Variants in RAB28 observed in about 807,000 individuals in gnomAD.
The protein encoded by RAB28 is RAB28, member RAS oncogene family.
Under a neutral mutation model 31.7 loss-of-function variants are expected in RAB28, and 24 were observed. The ratio of observed to expected loss-of-function variants is 0.76; its 90% confidence interval spans 0.55 to 1.06. The LOEUF (loss-of-function observed/expected upper bound fraction) is 1.06. RAB28 is among the 50% of genes least tolerant of loss of function. RAB28 has a pLI of 0.00. For synonymous variants in RAB28, 100 were observed against 90.4 expected, an observed-to-expected ratio of 1.11 and a Z score of -0.60; for missense variants, 254 against 258.5, an observed-to-expected ratio of 0.98 and a Z score of 0.12.
Position 13,430,658 on chromosome 4 carries a change from C to A in RAB28, c.391+30041G>T, listed in dbSNP as rs533477974. 4.7e-4 allele frequency among the ~76,000 whole-genome samples: 72 copies of A among 152,248 alleles called. No homozygotes were observed. The South Asian group carries it at 4.8e-3, about 10-fold the overall frequency. ...TGGTTGTGTACCCATGGTGCCACAA[C>A]CCTGCCTAGCAATCTCCACCCATGG... On this transcript the variant is annotated intron_variant, in intron 4 of 6. Coordinates refer to ENST00000330852, the MANE Select transcript of RAB28 (RefSeq NM_001017979.3).
intron 3 of RAB28, among the ~76,000 whole-genome samples, chr4:13,462,259 A>G (rs1390631186): frequency 1.3e-5 from 2 of 152,190 alleles, no homozygotes; most frequent in African/African-American, 4.8e-5. Flanking sequence ...TGTAAATGCT[A>G]GCCTGCGGTC....
At chr4:13,388,653 G>T (rs1030747288) in intron 4 of RAB28, among the ~76,000 whole-genome samples, 7 of 151,826 alleles carry the variant, frequency 4.6e-5, no homozygotes, top group Non-Finnish European at 7.4e-5. Flanking sequence ...AATATATAAA[G>T]AACACCTACA....
intron 4 of RAB28, among the ~76,000 whole-genome samples, chr4:13,424,052 G>C (rs1053517761): frequency 1.3e-5 from 2 of 152,024 alleles, no homozygotes; most frequent in Admixed American, 1.3e-4. Context: ...TCTATTCATC[G>C]GCCAATAAAA....
chr4:13,419,754 G>C (rs1713010177), intron 4 of RAB28, among the ~76,000 whole-genome samples: 1 of 152,198 alleles, frequency 6.6e-6, no homozygotes, highest in Non-Finnish European at 1.5e-5. Context: ...TTAAAGCAGT[G>C]TGTAGAGGGA....
At chr4:13,476,486 G>C (rs1163125061) in intron 2 of RAB28, among the ~76,000 whole-genome samples, 1 of 151,242 alleles carries the variant, frequency 6.6e-6, no homozygotes, top group Non-Finnish European at 1.5e-5. Context: ...TTCAATAAAT[G>C]ATATTTTAAT....
At chr4:13,382,361 G>A (rs536883514) in intron 4 of RAB28, among the ~76,000 whole-genome samples, 8 of 151,938 alleles carry the variant, frequency 5.3e-5, no homozygotes, top group Non-Finnish European at 8.8e-5. Context: ...ATTCAATGCC[G>A]TCAAATTATA....
chr4:13,413,440 A>C (rs1712562334), intron 4 of RAB28, among the ~76,000 whole-genome samples: 1 of 152,250 alleles, frequency 6.6e-6, no homozygotes, highest in Non-Finnish European at 1.5e-5. Flanking sequence ...ATTTCTGCAC[A>C]TGCAGTAACT....
chr4:13,483,952 G>A, intron 1 of RAB28, 124 bp downstream of exon 1: 3 of 892,340 alleles, frequency 3.4e-6, no homozygotes, highest in Non-Finnish European at 3.5e-6. Flanking sequence ...CACACAACCA[G>A]AAGGGCCCGG....
Position 13,368,360 on chromosome 4 carries a change from T to A in RAB28, c.*198A>T. The A allele has an allele frequency of 1.6e-6, 2 of 1,222,488 alleles. No homozygotes were observed. The highest frequency in any genetic ancestry group is 2.0e-6 in the Non-Finnish European group (2 of 981,072). 75.7% of individuals were successfully genotyped at this position (1,222,488 alleles called of 1,614,324 possible). A position where few individuals can be genotyped will look rare whatever the true frequency, so the allele number is the denominator to read the frequency against. On this transcript the variant is annotated 3_prime_UTR_variant, in exon 7 of 7. Transcript: ENST00000330852. ...GGTTTTCCATTTTGAATTCAAAGTG[T>A]GTGGTCCCAAAGTTGAATTCTTTCA...
At chr4:13,390,393 C>A (rs1729573625) in intron 4 of RAB28, among the ~76,000 whole-genome samples, 2 of 152,048 alleles carry the variant, frequency 1.3e-5, no homozygotes, top group South Asian at 4.2e-4. Flanking sequence ...GAACTACAAA[C>A]CACTGCTCAA....
In RAB28 at chr4:13,368,078, T is replaced by C. The variant is rs1728575948; in HGVS notation, c.*480A>G. ...CAGCTTTATATACTTTTACTCACGA[T>C]AGCGAAAGAATGTCTTCATAAGTAT... On this transcript the variant is annotated 3_prime_UTR_variant, in exon 7 of 7. Coordinates refer to ENST00000330852, the MANE Select transcript of RAB28 (RefSeq NM_001017979.3). 1 of 978,338 alleles carries C rather than the reference T, an allele frequency of 1.0e-6. No individual in the cohort carries two copies. The highest frequency in any genetic ancestry group is 1.2e-6 in the Non-Finnish European group (1 of 823,498). The allele number at this position is 978,338 out of a possible 1,614,324, so 60.6% of individuals were successfully genotyped here.
chr4:13,399,147 C>G (rs1245378327), intron 4 of RAB28, among the ~76,000 whole-genome samples: 1 of 152,126 alleles, frequency 6.6e-6, no homozygotes, highest in East Asian at 1.9e-4. Flanking sequence ...CAACTCACCC[C>G]CAAGGCAGTC....
intron 4 of RAB28, among the ~76,000 whole-genome samples, chr4:13,425,575 A>G (rs903102948): frequency 4.6e-5 from 7 of 152,254 alleles, no homozygotes; most frequent in African/African-American, 1.7e-4. Flanking sequence ...ACATATGTAC[A>G]CATGCAATTG....
chr4:13,449,149 T>C lies in RAB28; in HGVS notation c.391+11550A>G, dbSNP rs189868552. On this transcript the variant is annotated intron_variant, in intron 4 of 6. Coordinates refer to ENST00000330852, the MANE Select transcript of RAB28 (RefSeq NM_001017979.3). ...TAAATTATAAGCTCTCTTAAACAAATTGGTAACAATGACTTGTTCACTTTG... is the reference window on the plus strand; with the variant it reads ...TAAATTATAAGCTCTCTTAAACAAACTGGTAACAATGACTTGTTCACTTTG... Among the ~76,000 whole-genome samples the C allele has an allele frequency of 4.6e-4, 70 of 152,118 alleles. 1 individual carries two copies. Among genetic ancestry groups the C allele is most frequent in the African/African-American group, 1.5e-3 (64 of 41,574 alleles).
At chr4:13,379,889 T>C (rs999551818) in intron 5 of RAB28, among the ~76,000 whole-genome samples, 1 of 152,112 alleles carries the variant, frequency 6.6e-6, no homozygotes, top group Non-Finnish European at 1.5e-5. Context: ...CTTAAAGTAA[T>C]TTCATAAGAA....
chr4:13,479,895 C>A (rs1398306981), intron 1 of RAB28, among the ~76,000 whole-genome samples: 1 of 151,658 alleles, frequency 6.6e-6, no homozygotes, highest in Non-Finnish European at 1.5e-5. Context: ...TAACTTAGAT[C>A]AGCTTCTGAG....
intron 4 of RAB28, among the ~76,000 whole-genome samples, chr4:13,423,325 G>A (rs543565298): frequency 6.6e-6 from 1 of 151,996 alleles, no homozygotes; most frequent in East Asian, 1.9e-4. Flanking sequence ...CGCCTGAGGT[G>A]AGAAGTTCGA....
chr4:13,439,459 A>G (rs1193995393), intron 4 of RAB28, among the ~76,000 whole-genome samples: 1 of 151,938 alleles, frequency 6.6e-6, no homozygotes, highest in Non-Finnish European at 1.5e-5. Context: ...GGCTCAAATA[A>G]CTCTCATGCC....
intron 2 of RAB28, among the ~76,000 whole-genome samples, chr4:13,477,322 G>A (rs1004442652): frequency 2.6e-5 from 4 of 151,394 alleles, no homozygotes. Context: ...AGATGGACAG[G>A]AGGTTTACAC....
Sources: gnomAD v4.1 joint callset for allele counts (sites outside exome capture counted in the v4.1 genomes callset) on GRCh38, gnomAD v4.1.1 for gene constraint, MANE v1.5 for transcripts, NCBI Gene and HGNC (gene_info 2026-07-23, HGNC 2026-07-21) for gene names.